Variants in GRID1 observed in about 807,000 individuals in gnomAD.
The protein encoded by GRID1 is glutamate receptor ionotropic, delta-1.
GRID1 carries 28 observed loss-of-function variants against 98.0 expected under a neutral mutation model. The ratio of observed to expected loss-of-function variants is 0.29; its 90% CI spans 0.21 to 0.39. The LOEUF (loss-of-function observed/expected upper bound fraction) is 0.39, where lower values mean the gene tolerates loss of function less well. GRID1 is among the 10% of genes least tolerant of loss of function. The pLI, the probability that GRID1 is intolerant of heterozygous loss-of-function variation, is 1.00. For missense variants in GRID1, 1,111 were observed against 1,340.5 expected (o/e 0.83, Z 2.67); for synonymous variants, 553 against 538.5 (o/e 1.03, Z -0.37).
rs141171636 is a variant in GRID1, at chr10:86,114,709, T to C, written c.726+24110A>G. 2.1e-3 allele frequency among the ~76,000 whole-genome samples: 315 copies of C among 152,274 alleles called. 2 individuals are homozygous for C. Among genetic ancestry groups the C allele is most frequent in the African/African-American group, 7.1e-3 (296 of 41,544 alleles). ...CCCTTAAACCTCCTAGATCAAGCCC[T>C]AACTGGAACCCCACTGAGTTCCGCA... On this transcript the variant is annotated intron_variant, in intron 4 of 15. Coordinates refer to ENST00000327946, the MANE Select transcript of GRID1 (RefSeq NM_017551.3).
At chr10:86,146,645 CTCTTCCTTCCT>C (rs1845093516) in intron 3 of GRID1, among the ~76,000 whole-genome samples, 3 of 152,202 alleles carry the variant, frequency 2.0e-5, no homozygotes, top group Non-Finnish European at 4.4e-5. Flanking sequence ...CCTTCCCGCC[CTCTTCCTTCCT>C]TCCTCATATA....
intron 8 of GRID1, among the ~76,000 whole-genome samples, chr10:85,745,936 C>A (rs1238730592): frequency 6.6e-6 from 1 of 152,004 alleles, no homozygotes; most frequent in African/African-American, 2.4e-5. Flanking sequence ...AACAAAGAAG[C>A]AGTAACAAGT....
At chr10:85,814,377 A>C (rs1842698321) in intron 8 of GRID1, among the ~76,000 whole-genome samples, 1 of 151,968 alleles carries the variant, frequency 6.6e-6, no homozygotes, top group Non-Finnish European at 1.5e-5. Context: ...TTTCTAACTT[A>C]AGTAATTAGA....
At chr10:86,218,972 A>G (rs73347943) in intron 2 of GRID1, among the ~76,000 whole-genome samples, 2,141 of 152,328 alleles carry the variant, frequency 0.014, 53 homozygotes, top group African/African-American at 0.049. Context: ...CACTATCGAC[A>G]GCACAGCCCG....
At chr10:86,340,310 T>C (rs1848292216) in intron 2 of GRID1, among the ~76,000 whole-genome samples, 1 of 152,054 alleles carries the variant, frequency 6.6e-6, no homozygotes. Context: ...AAGCAAAATA[T>C]CGGACAGGAA....
At chr10:85,872,027 G>C (rs2131795896) in intron 5 of GRID1, among the ~76,000 whole-genome samples, 1 of 152,282 alleles carries the variant, frequency 6.6e-6, no homozygotes, top group East Asian at 1.9e-4. Flanking sequence ...AGGACTACCA[G>C]ATGGAATGGG....
intron 3 of GRID1, among the ~76,000 whole-genome samples, chr10:86,177,647 ATGTG>A (rs1238847264): frequency 6.6e-6 from 1 of 151,196 alleles, no homozygotes; most frequent in Non-Finnish European, 1.5e-5. Flanking sequence ...ATGTGTATGC[ATGTG>A]TGTGTGAGAG....
intron 2 of GRID1, among the ~76,000 whole-genome samples, chr10:86,320,086 C>T (rs575873769): frequency 6.6e-6 from 1 of 152,332 alleles, no homozygotes; most frequent in Non-Finnish European, 1.5e-5. Flanking sequence ...GAAATAGAGC[C>T]GGCAGAGCGC....
intron 5 of GRID1, among the ~76,000 whole-genome samples, chr10:85,877,217 A>G (rs4430448): frequency 0.98 from 148,573 of 152,330 alleles, 72,484 homozygotes; most frequent in African/African-American, 0.99. Flanking sequence ...AACCTCTGCA[A>G]ACTTAAATGT....
intron 3 of GRID1, among the ~76,000 whole-genome samples, chr10:86,143,373 T>A (rs1845036532): frequency 6.6e-6 from 1 of 152,044 alleles, no homozygotes; most frequent in Admixed American, 6.6e-5. Context: ...AAATTTGTAA[T>A]CCCACCCTAC....
intron 4 of GRID1, among the ~76,000 whole-genome samples, chr10:85,978,517 T>G (rs1208030093): frequency 6.6e-6 from 1 of 152,154 alleles, no homozygotes; most frequent in Admixed American, 6.5e-5. Context: ...GGAAACACAT[T>G]GTTACACTGA....
intron 4 of GRID1, among the ~76,000 whole-genome samples, chr10:86,040,409 AATG>A (rs1843329486): frequency 6.6e-6 from 1 of 152,012 alleles, no homozygotes; most frequent in African/African-American, 2.4e-5. Flanking sequence ...AGCCATAAAA[AATG>A]ATGAAATTTG....
intron 4 of GRID1, among the ~76,000 whole-genome samples, chr10:85,976,646 T>C (rs1354866628): frequency 1.3e-5 from 2 of 152,174 alleles, no homozygotes; most frequent in Non-Finnish European, 2.9e-5. Context: ...TCCCTCACAT[T>C]CCAGGATGAT....
At chr10:86,250,992 G>A (rs796777955) in intron 2 of GRID1, among the ~76,000 whole-genome samples, 6 of 152,306 alleles carry the variant, frequency 3.9e-5, no homozygotes, top group Admixed American at 1.3e-4. Flanking sequence ...ATTTTGTCCT[G>A]TACTAGGAAA....
At chr10:86,103,743 A>T (rs1844336412) in intron 4 of GRID1, among the ~76,000 whole-genome samples, 1 of 152,192 alleles carries the variant, frequency 6.6e-6, no homozygotes, top group Admixed American at 6.5e-5. Flanking sequence ...TTGTACCTCA[A>T]GGGTAGCAAG....
chr10:85,765,604 A>T lies in GRID1; in HGVS notation c.1234-35990T>A, dbSNP rs115909243. On this transcript the variant is annotated intron_variant, in intron 8 of 15. Coordinates refer to ENST00000327946, the MANE Select transcript of GRID1 (RefSeq NM_017551.3). ...TATGATATTCTATAAAATTACCTTC[A>T]GGCCATGCATATAAGGTGTATGTGA... Among the ~76,000 whole-genome samples, 1,276 of 152,320 alleles carry T rather than the reference A, an allele frequency of 8.4e-3. 16 individuals are homozygous for T. The highest frequency in any genetic ancestry group is 0.029 in the African/African-American group (1,222 of 41,550).
chr10:86,151,711 C>T (rs192814709), intron 3 of GRID1, among the ~76,000 whole-genome samples: 18 of 152,348 alleles, frequency 1.2e-4, no homozygotes, highest in African/African-American at 3.6e-4. Flanking sequence ...CAACCTGGGA[C>T]GGGTTCCCCC....
At chr10:86,042,482 C>T (rs1843360691) in intron 4 of GRID1, among the ~76,000 whole-genome samples, 1 of 152,150 alleles carries the variant, frequency 6.6e-6, no homozygotes, top group Admixed American at 6.5e-5. Context: ...GTCCCAGGAC[C>T]AAGGGGAGAG....
At position 85,602,718 on chromosome 10, in the gene GRID1, G is replaced by T. The variant is rs754476472; in HGVS notation, c.2602-17C>A. The T allele has an allele frequency of 6.3e-7, 1 of 1,592,956 alleles. No individual in the cohort carries two copies. The highest frequency in any genetic ancestry group is 8.6e-7 in the Non-Finnish European group (1 of 1,166,626). ...TTCTTTGTCCTGGAGGGAAGGCATA[G>T]GAAGGTCAGGTGGAGCCCTAACAGT... On this transcript the variant is annotated splice_polypyrimidine_tract_variant and intron_variant, in intron 15 of 15. Transcript: ENST00000327946.
Sources: allele counts gnomAD v4.1 joint callset (sites outside exome capture counted in the v4.1 genomes callset), GRCh38; gene constraint gnomAD v4.1.1; transcripts MANE v1.5; gene names NCBI Gene and HGNC (gene_info 2026-07-23, HGNC 2026-07-21).